The following USP6 variants were observed in gnomAD, a reference collection of about 807,000 sequenced individuals.
The protein encoded by USP6 is ubiquitin specific peptidase 6.
A neutral mutation model predicts 175.7 loss-of-function variants in USP6; 128 were observed. That is an observed-to-expected ratio of 0.73 (90% CI 0.63 to 0.84). The LOEUF (loss-of-function observed/expected upper bound fraction) is 0.84. USP6 is among the 40% of genes least tolerant of loss of function. USP6 has a pLI of 0.00. For missense variants in USP6, 1,498 were observed against 1,760.3 expected, an observed-to-expected ratio of 0.85 and a Z score of 2.67; for synonymous variants, 562 against 630.6, an observed-to-expected ratio of 0.89 and a Z score of 1.63.
chr17:5,139,126 C>A, intron 21 of USP6, 129 bp from the exon 22 acceptor site: 1 of 1,597,318 alleles, frequency 6.3e-7, no homozygotes, highest in South Asian at 1.1e-5. Context: ...ACAGGCGTGT[C>A]GTCAGTGTCA....
chr17:5,133,718 G>T (rs1435957674), intron 14 of USP6, among the ~76,000 whole-genome samples, 168 bp downstream of exon 14: 1 of 152,008 alleles, frequency 6.6e-6, no homozygotes, highest in Admixed American at 6.5e-5. Flanking sequence ...ACTCGGCTGT[G>T]GTGACCCTCC....
intron 33 of USP6, among the ~76,000 whole-genome samples, chr17:5,166,109 A>C (rs571032587): frequency 1.3e-5 from 2 of 152,284 alleles, no homozygotes; most frequent in Admixed American, 6.5e-5. Flanking sequence ...CAACGATGAT[A>C]CAGCACGTTT....
intron 30 of USP6, among the ~76,000 whole-genome samples, chr17:5,153,686 G>C (rs1049307583): frequency 1.3e-5 from 2 of 150,650 alleles, no homozygotes; most frequent in African/African-American, 2.4e-5. Flanking sequence ...ACAGATTCTT[G>C]CTGTTGTTGC....
chr17:5,139,587 T>C lies in USP6; in HGVS notation c.1411T>C (p.Tyr471His). ...TATAGGGGGCCCTTGGTTCCCCCAT[T>C]ATGATTTTGAATGGAGCTGCTGGGT... Reference protein sequence around the residue: ...LDIGGPWFPHYDFEWSCWVRA... With the variant: ...LDIGGPWFPHHDFEWSCWVRA... The change falls in exon 22 of 38, where the codon TAT (tyrosine) becomes CAT (histidine). Residue 471 changes from tyrosine to histidine, a missense_variant. Tyr to His is a moderately conservative substitution (Grantham distance 83, BLOSUM62 2). Transcript: ENST00000574788. 1 of 1,613,746 alleles carries C rather than the reference T, an allele frequency of 6.2e-7. No individual in the cohort carries two copies.
At position 5,147,071 on chromosome 17, in the gene USP6, C is replaced by T. The variant is rs1452557434; in HGVS notation, c.2320-12C>T. The T allele has an allele frequency of 1.2e-5, 19 of 1,604,730 alleles. No individual in the cohort carries two copies. Among genetic ancestry groups the T allele is most frequent in the Admixed American group, 1.7e-5 (1 of 59,202 alleles). On this transcript the variant is annotated splice_polypyrimidine_tract_variant and intron_variant, in intron 28 of 37. Transcript: ENST00000574788. Reference sequence around the variant, plus strand: ...ACATCTCCCCCTTCTCATCTTGCTGCTGTTTCTGTAGAACTTTCCTCAGGA... The same window carrying T: ...ACATCTCCCCCTTCTCATCTTGCTGTTGTTTCTGTAGAACTTTCCTCAGGA...
intron 37 of USP6, among the ~76,000 whole-genome samples, chr17:5,172,262 T>C (rs1168577735): frequency 6.6e-6 from 1 of 151,488 alleles, no homozygotes; most frequent in African/African-American, 2.4e-5. Flanking sequence ...CCGAGCGCGG[T>C]GGCTCATGCC....
chr17:5,156,323 T>A (rs2073883430), intron 31 of USP6, among the ~76,000 whole-genome samples: 2 of 152,146 alleles, frequency 1.3e-5, no homozygotes, highest in African/African-American at 4.8e-5. Flanking sequence ...TTTCTTTTCT[T>A]TATGACAGAG....
In USP6 at chr17:5,133,970, C is replaced by T. The variant is rs767529180; in HGVS notation, c.468C>T (p.Val156=). The change falls in exon 15 of 38, where the codon GTC becomes GTT. Residue 156 remains valine (V), a synonymous_variant. Coordinates refer to ENST00000574788, the MANE Select transcript of USP6 (RefSeq NM_001304284.2). ...LDVRTTLRNH[V]FFRDRYGAKQ... is the part of the protein sequence containing the mutation. ...TGAGGACGACTCTCCGGAACCATGT[C>T]TTCTTTAGGGATCGATATGGAGCCA... 12 of 1,614,028 alleles carry T rather than the reference C, an allele frequency of 7.4e-6. No individual in the cohort carries two copies. Among genetic ancestry groups the T allele is most frequent in the Non-Finnish European group, 1.0e-5 (12 of 1,180,016 alleles).
Position 5,173,272 on chromosome 17 carries a change from T to A in USP6, c.*294T>A. 2.8e-6 allele frequency: 1 copy of A among 362,598 alleles called. No homozygotes were observed. The highest frequency in any genetic ancestry group is 4.6e-5 in the South Asian group (1 of 21,534). The allele number at this position is 362,598 out of a possible 1,614,324, so 22.5% of individuals were successfully genotyped here. ...GAATTGAATTGTGCTTGTCCAGATA[T>A]GAACAAATATGTAGTGAGTATAGAG... On this transcript the variant is annotated 3_prime_UTR_variant, in exon 38 of 38. Transcript: ENST00000574788.
Position 5,137,738 on chromosome 17 carries a change from A to G in USP6, c.913A>G (p.Lys305Glu). ...GATGCCAATAACCAGCATTGCTCTT[A>G]AGGTTCAGCAGAGTAAGTCTACGTG... is the stretch of plus-strand genomic sequence containing the variant. ...VLMPITSIAL[K>E]VQQKRLMKTS... is the part of the protein sequence containing the mutation. The change falls in exon 20 of 38, where the codon AAG becomes GAG. Residue 305 changes from lysine (K) to glutamate (E), a missense_variant. Coordinates refer to ENST00000574788, the MANE Select transcript of USP6 (RefSeq NM_001304284.2). 6.2e-7 allele frequency: 1 copy of G among 1,608,234 alleles called. No homozygotes were observed. Among genetic ancestry groups the G allele is most frequent in the Non-Finnish European group, 8.5e-7 (1 of 1,176,184 alleles).
chr17:5,152,493 A>G (rs1160063469), intron 30 of USP6, among the ~76,000 whole-genome samples: 1 of 152,246 alleles, frequency 6.6e-6, no homozygotes, highest in South Asian at 2.1e-4. Context: ...TATGTGTACC[A>G]GGAGAGATGC....
Position 5,173,762 on chromosome 17 carries a change from C to A in USP6, c.*784C>A. 4.5e-6 allele frequency: 1 copy of A among 220,638 alleles called. No homozygotes were observed. 13.7% of individuals were successfully genotyped at this position (220,638 alleles called of 1,614,324 possible). A position where few individuals can be genotyped will look rare whatever the true frequency, so the allele number is the denominator to read the frequency against. ...CTTCAAGTATCCTCAGAAATGTATT[C>A]TGCACCCCCGGCCCCGCCCATGCTG... On this transcript the variant is annotated 3_prime_UTR_variant, in exon 38 of 38. Transcript: ENST00000574788.
At chr17:5,172,330 G>C (rs1397043541) in intron 37 of USP6, among the ~76,000 whole-genome samples, 1 of 152,006 alleles carries the variant, frequency 6.6e-6, no homozygotes, top group Non-Finnish European at 1.5e-5. Context: ...AGGAGATAGA[G>C]GCCATCCTGG....
chr17:5,159,124 T>A (rs762465704), intron 31 of USP6, among the ~76,000 whole-genome samples: 1 of 152,214 alleles, frequency 6.6e-6, no homozygotes, highest in Non-Finnish European at 1.5e-5. Flanking sequence ...AGAGTGATTA[T>A]TTTCAGGGAC....
At chr17:5,159,864 G>A (rs985344214) in intron 31 of USP6, among the ~76,000 whole-genome samples, 7 of 151,482 alleles carry the variant, frequency 4.6e-5, no homozygotes, top group African/African-American at 1.7e-4. Flanking sequence ...TTGGGAGGCT[G>A]ATGTGGGAGG....
At chr17:5,130,169 G>A in intron 9 of USP6, 80 bp downstream of exon 9, 1 of 586,982 alleles carries the variant, frequency 1.7e-6, no homozygotes. Flanking sequence ...TTGGGAAGAT[G>A]CCCACCCCTG....
Position 5,149,696 on chromosome 17 carries a change from G to GT in USP6, c.2643+939dup, listed in dbSNP as rs1029145277. On this transcript the variant is annotated intron_variant, in intron 30 of 37. Transcript: ENST00000574788. ...GGAAAAGTTTTTTGTTTTGGGTTTT[G>GT]TTTTTTTTTTCTTAGAGGACACAAG... Among the ~76,000 whole-genome samples the GT allele has an allele frequency of 7.6e-3, 1,125 of 148,662 alleles. 21 individuals are homozygous for GT. The highest frequency in any genetic ancestry group is 0.025 in the African/African-American group (1,023 of 40,758).
At position 5,147,134 on chromosome 17, in the gene USP6, T is replaced by G; in HGVS notation, c.2371T>G (p.Cys791Gly). The G allele has an allele frequency of 6.2e-7, 1 of 1,613,836 alleles. No homozygotes were observed. The highest frequency in any genetic ancestry group is 8.5e-7 in the Non-Finnish European group (1 of 1,179,844). Reference protein sequence around the residue: ...KVQLSVSGFLCAFEIPVPSSP... With the variant: ...KVQLSVSGFLGAFEIPVPSSP... ...ACAACTCTCAGTGAGCGGATTTTTGTGTGCATTTGAAATTCCTGTCCCTTC... is the reference window on the plus strand; with the variant it reads ...ACAACTCTCAGTGAGCGGATTTTTGGGTGCATTTGAAATTCCTGTCCCTTC... Residue 791 changes from cysteine to glycine, a missense_variant, in exon 29 of 38, where the codon TGT becomes GGT. Coordinates refer to ENST00000574788, the MANE Select transcript of USP6 (RefSeq NM_001304284.2).
Position 5,173,487 on chromosome 17 carries a change from G to A in USP6, c.*509G>A, listed in dbSNP as rs1355408678. On this transcript the variant is annotated 3_prime_UTR_variant, in exon 38 of 38. Coordinates refer to ENST00000574788, the MANE Select transcript of USP6 (RefSeq NM_001304284.2). ...AAATGATTCTTACGGCATGGACAAG[G>A]ATTTTTCAATTTATTTTTTAAACTG... The A allele has an allele frequency of 1.4e-5, 3 of 220,402 alleles. No individual in the cohort carries two copies. The East Asian group carries it at 2.0e-4, about 15-fold the overall frequency. The allele number at this position is 220,402 out of a possible 1,614,324, so 13.7% of individuals were successfully genotyped here.
Sources: allele counts gnomAD v4.1 joint callset (sites outside exome capture counted in the v4.1 genomes callset), GRCh38; gene constraint gnomAD v4.1.1; transcripts MANE v1.5; gene names NCBI Gene and HGNC (gene_info 2026-07-23, HGNC 2026-07-21).